The following ZNF407 variants were observed in gnomAD, a reference collection of about 807,000 sequenced individuals.
The protein encoded by ZNF407 is zinc finger protein 407.
Under a neutral mutation model 131.2 loss-of-function variants are expected in ZNF407, and 17 were observed. That is an observed-to-expected ratio of 0.13 (90% CI 0.09 to 0.19). ZNF407 has a LOEUF of 0.19. Among genes scored for constraint, ZNF407 ranks in the 10% least tolerant of loss-of-function variants. The probability of loss-of-function intolerance (pLI) is 1.00; values close to 1 mark genes in which losing one functional copy is unlikely to be tolerated. For synonymous variants in ZNF407, 1,156 were observed against 1,062.0 expected (o/e 1.09, Z -1.72); for missense variants, 2,681 against 2,830.6 (o/e 0.95, Z 1.20).
chr18:75,025,491 G>C (rs558889954), intron 8 of ZNF407, among the ~76,000 whole-genome samples: 40 of 152,324 alleles, frequency 2.6e-4, no homozygotes, highest in African/African-American at 9.1e-4. Flanking sequence ...AGCTCACGTG[G>C]TGTGCTCCAT....
chr18:74,929,069 G>C (rs1001784055), intron 8 of ZNF407, among the ~76,000 whole-genome samples: 9 of 152,152 alleles, frequency 5.9e-5, no homozygotes, highest in African/African-American at 2.2e-4. Context: ...CACCTAACAA[G>C]ATTGGCCGAA....
At chr18:75,029,870 A>G (rs1380034554) in intron 8 of ZNF407, among the ~76,000 whole-genome samples, 3 of 152,234 alleles carry the variant, frequency 2.0e-5, no homozygotes, top group African/African-American at 4.8e-5. Context: ...AAGAAAACAG[A>G]AAAATCAAGG....
At chr18:74,976,289 T>C (rs1222245504) in intron 8 of ZNF407, among the ~76,000 whole-genome samples, 2 of 152,228 alleles carry the variant, frequency 1.3e-5, no homozygotes, top group Non-Finnish European at 2.9e-5. Flanking sequence ...AAAAGCTTTT[T>C]TTAAAGGGAT....
intron 3 of ZNF407, among the ~76,000 whole-genome samples, chr18:74,682,657 G>C (rs1967011263): frequency 6.6e-6 from 1 of 151,996 alleles, no homozygotes; most frequent in Non-Finnish European, 1.5e-5. Flanking sequence ...TAGCCAAGTC[G>C]GTTTTCTTAT....
intron 8 of ZNF407, among the ~76,000 whole-genome samples, chr18:75,025,374 G>A (rs1973159123): frequency 6.6e-6 from 1 of 152,222 alleles, no homozygotes; most frequent in Non-Finnish European, 1.5e-5. Context: ...TTTGAACAAT[G>A]TCAGTGAGAC....
chr18:74,758,160 T>C (rs1344030170), intron 3 of ZNF407, among the ~76,000 whole-genome samples: 3 of 152,200 alleles, frequency 2.0e-5, no homozygotes, highest in Non-Finnish European at 4.4e-5. Flanking sequence ...ATTTACAGGA[T>C]TTACACGTGC....
chr18:74,821,382 C>G (rs1029131945), intron 4 of ZNF407, among the ~76,000 whole-genome samples: 4 of 151,976 alleles, frequency 2.6e-5, no homozygotes, highest in Non-Finnish European at 4.4e-5. Context: ...TAACCTGTCA[C>G]CTACATTAGG....
chr18:74,814,755 C>T (rs972922205), intron 4 of ZNF407, among the ~76,000 whole-genome samples: 2 of 152,120 alleles, frequency 1.3e-5, no homozygotes, highest in Admixed American at 6.5e-5. Flanking sequence ...AATTTTTTCT[C>T]ATATAATTTG....
intron 6 of ZNF407, among the ~76,000 whole-genome samples, chr18:74,884,072 T>G (rs1971275112): frequency 6.6e-6 from 1 of 152,218 alleles, no homozygotes; most frequent in Non-Finnish European, 1.5e-5. Context: ...GCAGCACTTT[T>G]GCCAATATGC....
chr18:74,971,625 A>C (rs915833586), intron 8 of ZNF407, among the ~76,000 whole-genome samples: 1 of 152,054 alleles, frequency 6.6e-6, no homozygotes. Context: ...CTTGGACCTT[A>C]TTTTCCTTAT....
At chr18:74,830,289 T>C (rs898915206) in intron 4 of ZNF407, among the ~76,000 whole-genome samples, 1 of 152,112 alleles carries the variant, frequency 6.6e-6, no homozygotes, top group African/African-American at 2.4e-5. Context: ...TATTTTATTT[T>C]ATTACTTTTT....
chr18:74,918,500 A>T (rs1171856966), intron 7 of ZNF407, among the ~76,000 whole-genome samples: 1 of 152,194 alleles, frequency 6.6e-6, no homozygotes, highest in Admixed American at 6.5e-5. Flanking sequence ...TCTTACAGTG[A>T]TTGTTAGTTC....
At chr18:74,709,859 C>T (rs1163169819) in intron 3 of ZNF407, among the ~76,000 whole-genome samples, 7 of 152,126 alleles carry the variant, frequency 4.6e-5, no homozygotes. Flanking sequence ...TGTGTTTCCT[C>T]CAACTTTGTT....
chr18:74,714,825 G>A (rs1599092833), intron 3 of ZNF407, among the ~76,000 whole-genome samples: 1 of 152,022 alleles, frequency 6.6e-6, no homozygotes, highest in East Asian at 1.9e-4. Flanking sequence ...GATTTCTTGG[G>A]GGGTAGAACA....
rs756581396 is a variant in ZNF407 at position 74,631,340 on chromosome 18, A to G, written c.321A>G (p.Ala107=). 1.9e-6 allele frequency: 3 copies of G among 1,614,074 alleles called. No individual in the cohort carries two copies. The highest frequency in any genetic ancestry group is 2.5e-6 in the Non-Finnish European group (3 of 1,179,910). ...SESSVTEGGI[A]LDETGKETFL... ...GCTCAGTCACAGAAGGGGGTATTGC[A>G]TTAGATGAAACAGGGAAGGAGACCT... Residue 107 remains alanine, a synonymous_variant, in exon 2 of 9, where the codon GCA becomes GCG. Coordinates refer to ENST00000299687, the MANE Select transcript of ZNF407 (RefSeq NM_017757.3).
At chr18:74,804,216 G>A in intron 4 of ZNF407, 3 of 1,295,472 alleles carry the variant, frequency 2.3e-6, no homozygotes, top group Admixed American at 3.5e-5. Context: ...TCACACAAAT[G>A]TAGGCTAGTC....
intron 3 of ZNF407, among the ~76,000 whole-genome samples, chr18:74,654,400 T>G (rs1985358972): frequency 6.6e-6 from 1 of 151,852 alleles, no homozygotes; most frequent in African/African-American, 2.4e-5. Flanking sequence ...TTCTTTGATT[T>G]CATTTCTATG....
intron 3 of ZNF407, among the ~76,000 whole-genome samples, chr18:74,774,517 T>C (rs1599142777): frequency 6.6e-6 from 1 of 152,232 alleles, no homozygotes; most frequent in African/African-American, 2.4e-5. Context: ...GTTACTTTTA[T>C]CCTGATACTA....
chr18:74,819,784 C>T (rs928508516), intron 4 of ZNF407, among the ~76,000 whole-genome samples: 2 of 152,190 alleles, frequency 1.3e-5, no homozygotes, highest in Non-Finnish European at 2.9e-5. Context: ...CTGCTGTCCC[C>T]AACCTGATGC....
Sources: allele counts gnomAD v4.1 joint callset (sites outside exome capture counted in the v4.1 genomes callset), GRCh38; gene constraint gnomAD v4.1.1; transcripts MANE v1.5; gene names NCBI Gene and HGNC (gene_info 2026-07-23, HGNC 2026-07-21).